The following RPS6KB2 variants were observed in gnomAD, a reference collection of about 807,000 sequenced individuals.
RPS6KB2 encodes ribosomal protein S6 kinase beta-2.
RPS6KB2 carries 51 observed loss-of-function variants against 58.2 expected under a neutral mutation model. That is an observed-to-expected ratio of 0.88 (90% CI 0.70 to 1.11). The LOEUF (loss-of-function observed/expected upper bound fraction) is 1.11. Ranked by LOEUF, RPS6KB2 falls within the 50% of genes least tolerant of loss-of-function variation. The probability of loss-of-function intolerance (pLI) is 0.00; values close to 1 mark genes in which losing one functional copy is unlikely to be tolerated. For synonymous variants in RPS6KB2, 293 were observed against 258.6 expected (o/e 1.13, Z -1.28); for missense variants, 671 against 655.8 (o/e 1.02, Z -0.25).
intron 5 of RPS6KB2, 167 bp from the exon 6 acceptor site, chr11:67,432,433 T>C (rs1460561608): frequency 6.7e-6 from 5 of 751,570 alleles, no homozygotes; most frequent in East Asian, 2.7e-5. Context: ...AGGCACCGAG[T>C]AGGCGTCGGT....
intron 1 of RPS6KB2, 171 bp downstream of exon 1, chr11:67,428,794 C>T (rs574742519): frequency 2.2e-6 from 2 of 914,428 alleles, no homozygotes; most frequent in Non-Finnish European, 3.5e-6. Flanking sequence ...CCCGACCTCT[C>T]TTCCAGAACC....
At chr11:67,432,689 G>A in intron 6 of RPS6KB2, 32 bp downstream of exon 6, 2 of 1,613,854 alleles carry the variant, frequency 1.2e-6, no homozygotes, top group Admixed American at 1.7e-5. Flanking sequence ...TCCTGAGGCT[G>A]CCAGGTCCCT....
chr11:67,433,111 C>A lies in RPS6KB2; in HGVS notation c.708-15C>A. 1 of 1,607,118 alleles carries A rather than the reference C, an allele frequency of 6.2e-7. No homozygotes were observed. The highest frequency in any genetic ancestry group is 1.1e-5 in the South Asian group (1 of 90,414). ...AAGGGGCACGGCCTGACTGACAGTT[C>A]CACCTGGACCCCAGGGCCCCTGAGA... On this transcript the variant is annotated splice_polypyrimidine_tract_variant and intron_variant, in intron 8 of 14. Transcript: ENST00000312629.
At chr11:67,431,204 A>G (rs1864009351) in intron 4 of RPS6KB2, 164 bp from the exon 5 acceptor site, 1 of 576,850 alleles carries the variant, frequency 1.7e-6, no homozygotes, top group Non-Finnish European at 3.0e-6. Flanking sequence ...TAATTTTTCT[A>G]TTTTTAGTAG....
intron 3 of RPS6KB2, 53 bp downstream of exon 3, chr11:67,429,293 C>T: frequency 6.2e-7 from 1 of 1,601,854 alleles, no homozygotes. Flanking sequence ...CTGGAGGCAG[C>T]AAAGGGTTCT....
At position 67,435,144 on chromosome 11, in the gene RPS6KB2, G is replaced by C. The variant is rs1465093443; in HGVS notation, c.1424G>C (p.Arg475Thr). 1.9e-6 allele frequency: 3 copies of C among 1,593,740 alleles called. No homozygotes were observed. The East Asian group carries it at 6.8e-5, about 36-fold the overall frequency. The change falls in exon 15 of 15, where the codon AGG becomes ACG. Residue 475 changes from arginine to threonine, a missense_variant. By Grantham distance (71) the Arg-to-Thr change is moderately conservative. Coordinates refer to ENST00000312629, the MANE Select transcript of RPS6KB2 (RefSeq NM_003952.3). ...CCCTCAGGGACCAAGAAGTCCAAGA[G>C]GGGCCGTGGGCGTCCAGGGCGCTAG... Reference protein sequence around the residue: ...RPPSGTKKSKRGRGRPGR With the variant: ...RPPSGTKKSKTGRGRPGR
chr11:67,432,577 CTGCTGACGTGTT>C lies in RPS6KB2; in HGVS notation c.458-20_458-9del, dbSNP rs1386337392. 6.2e-7 allele frequency: 1 copy of C among 1,613,930 alleles called. No homozygotes were observed. Among genetic ancestry groups the C allele is most frequent in the Non-Finnish European group, 8.5e-7 (1 of 1,179,798 alleles). Reference sequence around the variant, plus strand: ...AAAGGGGCTTGGACCCAGCACGTGGCTGCTGACGTGTTTGTGTGGCAGGTGGCGAGCTCTTCA... The same window carrying C: ...AAAGGGGCTTGGACCCAGCACGTGGCTGTGTGGCAGGTGGCGAGCTCTTCA... On this transcript the variant is annotated splice_polypyrimidine_tract_variant and intron_variant, in intron 5 of 14. Coordinates refer to ENST00000312629, the MANE Select transcript of RPS6KB2 (RefSeq NM_003952.3).
At chr11:67,428,783 C>A in intron 1 of RPS6KB2, 160 bp downstream of exon 1, 2 of 898,634 alleles carry the variant, frequency 2.2e-6, no homozygotes, top group Non-Finnish European at 3.5e-6. Context: ...CCCACCCTCA[C>A]CCCGACCTCT....
At chr11:67,429,633 G>T (rs1369068758) in intron 4 of RPS6KB2, 38 bp downstream of exon 4, 1 of 1,508,580 alleles carries the variant, frequency 6.6e-7, no homozygotes, top group African/African-American at 1.4e-5. Flanking sequence ...CTGTGTGGCT[G>T]CCATTCCCAA....
In RPS6KB2 at chr11:67,431,381, G is replaced by A. The variant is rs185889430; in HGVS notation, c.323G>A (p.Arg108His). 45 of 1,613,866 alleles carry A rather than the reference G, an allele frequency of 2.8e-5. No homozygotes were observed. The highest frequency in any genetic ancestry group is 4.5e-5 in the East Asian group (2 of 44,862). ...CTGTATCTCCAGGCCAAAATTGTGCGCAATGCCAAGGACACAGCACACACA... is the reference window on the plus strand; with the variant it reads ...CTGTATCTCCAGGCCAAAATTGTGCACAATGCCAAGGACACAGCACACACA... ...MKVLRKAKIV[R>H]NAKDTAHTRA... is the part of the protein sequence containing the mutation. The change falls in exon 5 of 15, where the codon CGC becomes CAC. Residue 108 changes from arginine (R) to histidine (H), a missense_variant. Coordinates refer to ENST00000312629, the MANE Select transcript of RPS6KB2 (RefSeq NM_003952.3).
intron 3 of RPS6KB2, 114 bp downstream of exon 3, chr11:67,429,354 C>T: frequency 1.3e-6 from 2 of 1,481,708 alleles, no homozygotes; most frequent in East Asian, 2.3e-5. Flanking sequence ...GGATTCAGAG[C>T]CAGAAACATA....
In RPS6KB2 at chr11:67,431,389, A is replaced by G. The variant is rs1379895537; in HGVS notation, c.331A>G (p.Lys111Glu). Residue 111 changes from lysine to glutamate, a missense_variant, in exon 5 of 15, where the codon AAG becomes GAG. By Grantham distance (56) the Lys-to-Glu change is moderately conservative. Transcript: ENST00000312629. ...CCAGGCCAAAATTGTGCGCAATGCCAAGGACACAGCACACACACGGGCTGA... is the reference window on the plus strand; with the variant it reads ...CCAGGCCAAAATTGTGCGCAATGCCGAGGACACAGCACACACACGGGCTGA... ...LRKAKIVRNAKDTAHTRAERN... is the reference protein window; with the variant it reads ...LRKAKIVRNAEDTAHTRAERN... The G allele has an allele frequency of 1.2e-6, 2 of 1,613,946 alleles. No individual in the cohort carries two copies. Among genetic ancestry groups the G allele is most frequent in the East Asian group, 4.5e-5 (2 of 44,892 alleles).
At position 67,435,171 on chromosome 11, in the gene RPS6KB2, A is replaced by G. The variant is rs1864228596; in HGVS notation, c.*2A>G. ...GGCCGTGGGCGTCCAGGGCGCTAGG[A>G]AGCCGGGTGGGGGTGAGGGTAGCCC... is the stretch of plus-strand genomic sequence containing the variant. On this transcript the variant is annotated 3_prime_UTR_variant, in exon 15 of 15. Transcript: ENST00000312629. 3.8e-6 allele frequency: 6 copies of G among 1,564,938 alleles called. No homozygotes were observed. The highest frequency in any genetic ancestry group is 5.2e-6 in the Non-Finnish European group (6 of 1,159,974).
At position 67,429,223 on chromosome 11, in the gene RPS6KB2, A is replaced by C. The variant is rs769729806; in HGVS notation, c.223A>C (p.Lys75Gln). 8 of 1,613,430 alleles carry C rather than the reference A, an allele frequency of 5.0e-6. No individual in the cohort carries two copies. In the Admixed American group the frequency reaches 6.7e-5, roughly 13 times the overall value. Reference protein sequence around the residue: ...HCFELLRVLGKGGYGKVFQVR... With the variant: ...HCFELLRVLGQGGYGKVFQVR... ...CTTTGAGCTGCTGCGTGTGCTGGGC[A>C]AGGGGGGCTATGGCAAGGTAGGGGC... Residue 75 changes from lysine (K) to glutamine (Q), a missense_variant, in exon 3 of 15, where the codon AAG (lysine) becomes CAG (glutamine). By Grantham distance (53) the Lys-to-Gln change is moderately conservative (BLOSUM62 1). Coordinates refer to ENST00000312629, the MANE Select transcript of RPS6KB2 (RefSeq NM_003952.3).
chr11:67,432,500 G>A (rs1036280448), intron 5 of RPS6KB2, 100 bp from the exon 6 acceptor site: 10 of 1,280,292 alleles, frequency 7.8e-6, no homozygotes, highest in African/African-American at 1.5e-5. Context: ...CAGGTAGGGC[G>A]GGAATTATGA....
At chr11:67,434,150 G>A (rs200357791) in intron 11 of RPS6KB2, 48 bp from the exon 12 acceptor site, 239 of 1,611,456 alleles carry the variant, frequency 1.5e-4, no homozygotes, top group Middle Eastern at 1.3e-3. Flanking sequence ...TGACCGGGGG[G>A]CAAGCAGGGT....
At chr11:67,431,552 G>T in intron 5 of RPS6KB2, 37 bp downstream of exon 5, 1 of 1,601,974 alleles carries the variant, frequency 6.2e-7, no homozygotes. Context: ...GCTGGGGGTC[G>T]CGGGGGGGCA....
chr11:67,428,799 A>G, intron 1 of RPS6KB2, 176 bp downstream of exon 1: 1 of 923,852 alleles, frequency 1.1e-6, no homozygotes, highest in African/African-American at 1.6e-5. Context: ...CCTCTCTTCC[A>G]GAACCCCAGC....
chr11:67,431,329 C>G (rs1429571943), intron 4 of RPS6KB2, 39 bp from the exon 5 acceptor site: 1 of 1,605,580 alleles, frequency 6.2e-7, no homozygotes, highest in East Asian at 2.2e-5. Flanking sequence ...TGTGCCCAGC[C>G]TGGATGCCTC....
Sources: gnomAD v4.1 joint callset for allele counts on GRCh38, gnomAD v4.1.1 for gene constraint, MANE v1.5 for transcripts, NCBI Gene and HGNC (gene_info 2026-07-23, HGNC 2026-07-21) for gene names.